The following TUT4 variants were observed in gnomAD, a reference collection of about 807,000 sequenced individuals.
TUT4 encodes terminal uridylyl transferase 4, also known as terminal uridylyltransferase 4.
A neutral mutation model predicts 192.2 loss-of-function variants in TUT4; 36 were observed. The observed-to-expected ratio is 0.19, with a 90% confidence interval of 0.14 to 0.25. The LOEUF is 0.25. Among genes scored for constraint, TUT4 ranks in the 10% least tolerant of loss-of-function variants. TUT4 has a pLI of 1.00. For synonymous variants in TUT4, 618 were observed against 666.0 expected (o/e 0.93, Z 1.11); for missense variants, 1,493 against 1,957.2 (o/e 0.76, Z 4.47).
At chr1:52,461,262 C>T (rs758224196) in intron 18 of TUT4, 39 bp from the exon 19 acceptor site, 14 of 1,543,196 alleles carry the variant, frequency 9.1e-6, no homozygotes, top group Admixed American at 5.9e-5. Context: ...TTTCAAATTT[C>T]GTAAAATTAA....
intron 1 of TUT4, among the ~76,000 whole-genome samples, chr1:52,545,076 G>C (rs1687717864): frequency 7.0e-6 from 1 of 143,260 alleles, no homozygotes; most frequent in African/African-American, 2.6e-5. Context: ...AAAAAAGCCA[G>C]AAAAGAAACA....
intron 15 of TUT4, among the ~76,000 whole-genome samples, chr1:52,467,530 A>G (rs1019376636): frequency 7.9e-5 from 12 of 152,154 alleles, no homozygotes; most frequent in African/African-American, 2.9e-4. Context: ...GACTCACACA[A>G]CAGCCTCCTA....
intron 28 of TUT4, among the ~76,000 whole-genome samples, chr1:52,427,435 A>G (rs1650353655): frequency 6.6e-6 from 1 of 152,210 alleles, no homozygotes; most frequent in Non-Finnish European, 1.5e-5. Context: ...TGACTAAAAC[A>G]CTGAGAACAA....
intron 11 of TUT4, 130 bp from the exon 12 acceptor site, chr1:52,478,012 C>T (rs895962946): frequency 1.8e-5 from 15 of 834,596 alleles, no homozygotes; most frequent in Admixed American, 3.0e-5. Flanking sequence ...TGCCAAAAAG[C>T]AGTCAGTTTG....
intron 24 of TUT4, among the ~76,000 whole-genome samples, chr1:52,441,336 T>C (rs938516784): frequency 6.9e-6 from 1 of 144,390 alleles, no homozygotes. Flanking sequence ...CAGGCTGGAG[T>C]GCAGTGCTGC....
intron 19 of TUT4, 44 bp from the exon 20 acceptor site, chr1:52,458,493 C>A: frequency 1.4e-6 from 2 of 1,438,836 alleles, no homozygotes; most frequent in Non-Finnish European, 1.9e-6. Context: ...GAGTCTTACT[C>A]CATGCAGAAG....
At chr1:52,437,527 T>C (rs1557649897) in intron 25 of TUT4, 2 of 152,656 alleles carry the variant, frequency 1.3e-5, no homozygotes, top group Non-Finnish European at 1.5e-5. Context: ...AAGAATTCCA[T>C]TAATTGTATT....
intron 4 of TUT4, among the ~76,000 whole-genome samples, chr1:52,505,115 A>G (rs1027689152): frequency 2.6e-5 from 4 of 152,208 alleles, no homozygotes; most frequent in Admixed American, 6.5e-5. Context: ...TTACTGGATC[A>G]TACTGTAGTT....
Position 52,539,770 on chromosome 1 carries a change from G to A in TUT4, c.-94+13161C>T, listed in dbSNP as rs183306392. On this transcript the variant is annotated intron_variant, in intron 1 of 29. Coordinates refer to ENST00000257177, the MANE Select transcript of TUT4 (RefSeq NM_001009881.3). ...AAAAATACAAAAATTAGCTGGGAGT[G>A]GTGGCTCACGTCTATAATCCCAGCT... 2.1e-4 allele frequency among the ~76,000 whole-genome samples: 32 copies of A among 151,860 alleles called. 1 individual carries two copies. In the East Asian group the frequency reaches 5.6e-3, roughly 27 times the overall value.
At chr1:52,425,095 G>C (rs1020112597) in intron 29 of TUT4, 7 of 326,220 alleles carry the variant, frequency 2.1e-5, no homozygotes, top group African/African-American at 6.4e-5. Flanking sequence ...GTTTGGATTT[G>C]CTAGGGCAAT....
chr1:52,509,348 T>G (rs1003767528), intron 4 of TUT4, among the ~76,000 whole-genome samples: 11 of 152,202 alleles, frequency 7.2e-5, no homozygotes, highest in African/African-American at 2.7e-4. Flanking sequence ...ATCAGTTGGA[T>G]GGACTAATTG....
Position 52,446,404 on chromosome 1 carries a change from T to C in TUT4, c.3552A>G (p.Ser1184=), listed in dbSNP as rs1557676259. 5.6e-6 allele frequency: 9 copies of C among 1,607,452 alleles called. No homozygotes were observed. Among genetic ancestry groups the C allele is most frequent in the East Asian group, 2.2e-5 (1 of 44,818 alleles). The change falls in exon 22 of 30, where the codon TCA becomes TCG. Residue 1184 remains serine, a synonymous_variant. Transcript: ENST00000257177. The part of the protein sequence containing the change: ...RLPSLGKNTE[S]LGELWLGLLR... ...GCAGTCCCAGCCAAAGCTCCCCTAA[T>C]GATTCTGTGTTCTTTCCAAGTGAAG...
At chr1:52,488,510 G>A (rs1670350348) in intron 9 of TUT4, among the ~76,000 whole-genome samples, 1 of 152,160 alleles carries the variant, frequency 6.6e-6, no homozygotes, top group South Asian at 2.1e-4. Flanking sequence ...TTAGAGGAAA[G>A]AGAATAGCAT....
intron 9 of TUT4, among the ~76,000 whole-genome samples, chr1:52,488,043 T>C (rs1343785006): frequency 6.6e-6 from 1 of 152,000 alleles, no homozygotes; most frequent in Non-Finnish European, 1.5e-5. Flanking sequence ...AAACAGCAAA[T>C]ACAAAGGCCT....
intron 9 of TUT4, among the ~76,000 whole-genome samples, chr1:52,482,730 C>T (rs1668815089): frequency 6.6e-6 from 1 of 152,092 alleles, no homozygotes; most frequent in African/African-American, 2.4e-5. Flanking sequence ...GCCACCATGC[C>T]CAGCCAACAC....
Position 52,465,224 on chromosome 1 carries a change from A to C in TUT4, c.2966-51T>G, listed in dbSNP as rs753935521. On this transcript the variant is annotated intron_variant, in intron 15 of 29. Coordinates refer to ENST00000257177, the MANE Select transcript of TUT4 (RefSeq NM_001009881.3). The stretch of plus-strand genomic sequence containing the variant: ...GGCCTTATTATAAGCAGAGAGGAGG[A>C]GTCTTCTGCTATCTGCTGATGACCT... 6 of 1,349,132 alleles carry C rather than the reference A, an allele frequency of 4.4e-6. No individual in the cohort carries two copies. The Admixed American group carries it at 7.5e-5, about 17-fold the overall frequency. 83.6% of individuals were successfully genotyped at this position (1,349,132 alleles called of 1,614,324 possible). A position where few individuals can be genotyped will look rare whatever the true frequency, so the allele number is the denominator to read the frequency against.
At chr1:52,447,257 G>C (rs1443845833) in intron 20 of TUT4, among the ~76,000 whole-genome samples, 1 of 152,008 alleles carries the variant, frequency 6.6e-6, no homozygotes, top group Non-Finnish European at 1.5e-5. Flanking sequence ...AGACCAGCCT[G>C]GCCAACATGG....
chr1:52,491,418 G>A (rs1174613945), intron 7 of TUT4, among the ~76,000 whole-genome samples: 1 of 152,138 alleles, frequency 6.6e-6, no homozygotes, highest in Non-Finnish European at 1.5e-5. Flanking sequence ...GGCCGGGCAT[G>A]GTGGCTCACA....
intron 28 of TUT4, among the ~76,000 whole-genome samples, chr1:52,430,261 C>T (rs184811033): frequency 6.6e-6 from 1 of 152,136 alleles, no homozygotes; most frequent in East Asian, 1.9e-4. Context: ...CTTGGACCTA[C>T]CATCATTAAT....
Sources: gnomAD v4.1 joint callset for allele counts (sites outside exome capture counted in the v4.1 genomes callset) on GRCh38, gnomAD v4.1.1 for gene constraint, MANE v1.5 for transcripts, NCBI Gene and HGNC (gene_info 2026-07-23, HGNC 2026-07-21) for gene names.